FILIP1L: variants seen among roughly 807,000 people sequenced by gnomAD.
FILIP1L encodes the protein filamin A-interacting protein 1-like.
Under a neutral mutation model 96.6 loss-of-function variants are expected in FILIP1L, and 55 were observed. The observed-to-expected ratio is 0.57, with a 90% CI of 0.46 to 0.71. The LOEUF is 0.71. Ranked by LOEUF, FILIP1L falls within the 30% of genes least tolerant of loss-of-function variation. FILIP1L has a pLI of 0.00. For missense variants in FILIP1L, 1,304 were observed against 1,321.2 expected (o/e 0.99, Z 0.20); for synonymous variants, 467 against 473.9 (o/e 0.99, Z 0.19).
At chr3:99,864,952 G>T (rs1226600276) in intron 4 of FILIP1L, among the ~76,000 whole-genome samples, 1 of 152,090 alleles carries the variant, frequency 6.6e-6, no homozygotes, top group Admixed American at 6.5e-5. Context: ...TCAATCATTG[G>T]TCTATTTTGT....
At chr3:100,066,188 A>G (rs908353407) in intron 1 of FILIP1L, among the ~76,000 whole-genome samples, 16 of 152,150 alleles carry the variant, frequency 1.1e-4, no homozygotes, top group African/African-American at 3.9e-4. Flanking sequence ...ACAGCAGTAT[A>G]ATGATTTTGT....
intron 1 of FILIP1L, among the ~76,000 whole-genome samples, chr3:100,086,640 G>A (rs2066014546): frequency 6.6e-6 from 1 of 152,192 alleles, no homozygotes. Context: ...GCAATTTAGT[G>A]TAGAGCCTCT....
chr3:99,911,939 C>G (rs1706802174), intron 4 of FILIP1L, among the ~76,000 whole-genome samples: 1 of 151,398 alleles, frequency 6.6e-6, no homozygotes, highest in African/African-American at 2.4e-5. Context: ...TTCGTTCTCT[C>G]TTTTTTTTTC....
At chr3:99,888,724 A>G (rs1477461894) in intron 4 of FILIP1L, among the ~76,000 whole-genome samples, 2 of 152,196 alleles carry the variant, frequency 1.3e-5, no homozygotes, top group African/African-American at 2.4e-5. Context: ...TGAACACTTT[A>G]TCTTCATTTT....
At chr3:99,977,848 G>C (rs892288953) in intron 1 of FILIP1L, among the ~76,000 whole-genome samples, 1 of 152,034 alleles carries the variant, frequency 6.6e-6, no homozygotes, top group Non-Finnish European at 1.5e-5. Context: ...TCCAATAAGA[G>C]AAATCTGTTA....
At chr3:100,031,641 T>G (rs1055913784) in intron 1 of FILIP1L, among the ~76,000 whole-genome samples, 3 of 152,026 alleles carry the variant, frequency 2.0e-5, no homozygotes, top group African/African-American at 7.2e-5. Context: ...AACTAACGCA[T>G]TCTCTCCCCT....
rs1482215923 is a variant in FILIP1L at position 100,097,485 on chromosome 3, G to T, written c.-11+16568C>A. 2.6e-5 allele frequency among the ~76,000 whole-genome samples: 4 copies of T among 152,208 alleles called. 1 individual carries two copies. The South Asian group carries it at 8.3e-4, about 32-fold the overall frequency. On this transcript the variant is annotated intron_variant, in intron 1 of 5. Coordinates refer to ENST00000477258, the MANE Select transcript of FILIP1L (RefSeq NM_001387850.1). ...TTCTGTGGATATGGAGGGACAACCC[G>T]GTATTCTAATCCACGAACACAGTAT...
intron 5 of FILIP1L, among the ~76,000 whole-genome samples, chr3:99,841,952 A>G (rs941870768): frequency 6.6e-6 from 1 of 152,228 alleles, no homozygotes; most frequent in African/African-American, 2.4e-5. Flanking sequence ...AAGTAGATCT[A>G]TCATTTGATC....
At chr3:99,875,492 T>C (rs1705465272) in intron 4 of FILIP1L, among the ~76,000 whole-genome samples, 1 of 152,224 alleles carries the variant, frequency 6.6e-6, no homozygotes, top group Non-Finnish European at 1.5e-5. Flanking sequence ...TACTTCCTTG[T>C]ACAAATTGAC....
intron 1 of FILIP1L, among the ~76,000 whole-genome samples, chr3:99,952,519 G>A (rs557407193): frequency 1.2e-3 from 186 of 152,178 alleles, no homozygotes; most frequent in Non-Finnish European, 2.1e-3. Context: ...TAGTCATTGT[G>A]GAATAGAAGC....
At chr3:99,975,164 T>C (rs374291927) in intron 1 of FILIP1L, among the ~76,000 whole-genome samples, 1 of 152,346 alleles carries the variant, frequency 6.6e-6, no homozygotes, top group African/African-American at 2.4e-5. Context: ...TCCTCCCCGC[T>C]CCAATCTACC....
chr3:99,869,872 T>G (rs1263304884), intron 4 of FILIP1L, among the ~76,000 whole-genome samples: 1 of 152,226 alleles, frequency 6.6e-6, no homozygotes, highest in Non-Finnish European at 1.5e-5. Context: ...GCAGATTTGC[T>G]TCTGTCAGGG....
intron 3 of FILIP1L, 32 bp from the exon 4 acceptor site, chr3:99,924,440 A>T (rs375826520): frequency 6.3e-7 from 1 of 1,591,698 alleles, no homozygotes; most frequent in African/African-American, 1.3e-5. Flanking sequence ...GCCTGTTACC[A>T]AATTGTTTAT....
At chr3:100,006,191 C>A (rs1709980663) in intron 1 of FILIP1L, among the ~76,000 whole-genome samples, 1 of 152,160 alleles carries the variant, frequency 6.6e-6, no homozygotes, top group Admixed American at 6.6e-5. Flanking sequence ...GTAAGACAGG[C>A]TGACCCCATT....
At chr3:100,097,317 T>G (rs746455551) in intron 1 of FILIP1L, among the ~76,000 whole-genome samples, 1 of 152,200 alleles carries the variant, frequency 6.6e-6, no homozygotes, top group Non-Finnish European at 1.5e-5. Flanking sequence ...ACCACTGTTG[T>G]ATTAGATATT....
At chr3:99,948,164 A>G (rs1038089157) in intron 1 of FILIP1L, among the ~76,000 whole-genome samples, 1 of 152,204 alleles carries the variant, frequency 6.6e-6, no homozygotes, top group Non-Finnish European at 1.5e-5. Context: ...TGGTTACCAA[A>G]CAGTATACCA....
At chr3:99,939,729 G>A (rs1027151126) in intron 1 of FILIP1L, among the ~76,000 whole-genome samples, 6 of 152,174 alleles carry the variant, frequency 3.9e-5, no homozygotes, top group African/African-American at 1.4e-4. Flanking sequence ...GTGAATGCTT[G>A]TAATGATACC....
intron 1 of FILIP1L, among the ~76,000 whole-genome samples, chr3:99,989,360 A>C (rs1370969137): frequency 1.3e-5 from 2 of 152,172 alleles, no homozygotes; most frequent in Non-Finnish European, 2.9e-5. Flanking sequence ...AGAGTGAGGA[A>C]ACAGGAAAAT....
chr3:99,858,444 G>A lies in FILIP1L; in HGVS notation c.606-7374C>T, dbSNP rs553119241. Among the ~76,000 whole-genome samples the A allele has an allele frequency of 4.5e-4, 69 of 152,100 alleles. 1 individual carries two copies. In the Middle Eastern group the frequency reaches 0.01, roughly 22 times the overall value. On this transcript the variant is annotated intron_variant, in intron 4 of 5. Transcript: ENST00000477258. ...CACACCACTGCACTCCAGCCTGGGC[G>A]ACACAGCAAGACTCTGTCTCAAAAA...
Sources: gnomAD v4.1 joint callset for allele counts (sites outside exome capture counted in the v4.1 genomes callset) on GRCh38, gnomAD v4.1.1 for gene constraint, MANE v1.5 for transcripts, NCBI Gene and HGNC (gene_info 2026-07-23, HGNC 2026-07-21) for gene names.